Variants in HSPA4 observed in about 807,000 individuals in gnomAD.
The protein encoded by HSPA4 is heat shock 70 kDa protein 4.
HSPA4 carries 25 observed loss-of-function variants against 106.2 expected under a neutral mutation model. The ratio of observed to expected loss-of-function variants is 0.24; its 90% CI spans 0.17 to 0.33. HSPA4 has a LOEUF of 0.33. Ranked by LOEUF, HSPA4 falls within the 10% of genes least tolerant of loss-of-function variation. The pLI, the probability that HSPA4 is intolerant of heterozygous loss-of-function variation, is 1.00. For missense variants in HSPA4, 841 were observed against 996.0 expected, an observed-to-expected ratio of 0.84 and a Z score of 2.10; for synonymous variants, 332 against 333.6, an observed-to-expected ratio of 1.00 and a Z score of 0.05.
intron 1 of HSPA4, among the ~76,000 whole-genome samples, chr5:133,053,204 A>G (rs1337045495): frequency 6.6e-6 from 1 of 152,146 alleles, no homozygotes; most frequent in Non-Finnish European, 1.5e-5. Flanking sequence ...TGGGTCACTC[A>G]GGTCTTTCAC....
chr5:133,079,617 G>A (rs932471975), intron 7 of HSPA4, among the ~76,000 whole-genome samples: 1 of 152,034 alleles, frequency 6.6e-6, no homozygotes, highest in African/African-American at 2.4e-5. Context: ...CTTGTTTTCA[G>A]GTCTTTTGCT....
intron 8 of HSPA4, among the ~76,000 whole-genome samples, chr5:133,087,583 C>T (rs576473742): frequency 2.8e-4 from 43 of 152,286 alleles, no homozygotes; most frequent in African/African-American, 1.0e-3. Context: ...TACACACCTT[C>T]TTTCTGATAC....
chr5:133,073,308 T>G lies in HSPA4; in HGVS notation c.508T>G (p.Leu170Val), dbSNP rs1299224929. The change falls in exon 5 of 19, where the codon TTA becomes GTA. Residue 170 changes from leucine (L) to valine (V), a missense_variant. Around this residue, in one of 5 missense-constraint regions of HSPA4, gnomAD observed 347 missense variants for 408.7 expected, o/e 0.85. Coordinates refer to ENST00000304858, the MANE Select transcript of HSPA4 (RefSeq NM_002154.4). The stretch of plus-strand genomic sequence containing the variant: ...GATTGCTGGTCTTAATTGCTTGCGA[T>G]TAATGAATGAAACCACTGCAGGTAA... ...TQIAGLNCLR[L>V]MNETTAVALA... 1 of 1,609,766 alleles carries G rather than the reference T, an allele frequency of 6.2e-7. No homozygotes were observed. The highest frequency in any genetic ancestry group is 8.5e-7 in the Non-Finnish European group (1 of 1,176,490).
rs1257350967 is a variant in HSPA4 at position 133,063,061 on chromosome 5, C to A, written c.108-1919C>A. Among the ~76,000 whole-genome samples, 6 of 152,144 alleles carry A rather than the reference C, an allele frequency of 3.9e-5. No homozygotes were observed. In the East Asian group the frequency reaches 9.6e-4, roughly 24 times the overall value. On this transcript the variant is annotated intron_variant, in intron 1 of 18. Transcript: ENST00000304858. ...ATCACCTAGAGTCCTGACTTCATTG[C>A]TTTCAGGTTGCATGACCCTGGATAA...
chr5:133,103,998 A>G lies in HSPA4; in HGVS notation c.2291A>G (p.Lys764Arg). The G allele has an allele frequency of 6.2e-7, 1 of 1,611,242 alleles. No homozygotes were observed. Among genetic ancestry groups the G allele is most frequent in the Non-Finnish European group, 8.5e-7 (1 of 1,179,356 alleles). ...KQSLTMDPVV[K>R]SKEIEAKIKE... ...AGTTTGACCATGGATCCAGTTGTCA[A>G]GTCAAAAGAGATTGAAGCTAAAATT... Residue 764 changes from lysine to arginine, a missense_variant, in exon 18 of 19, where the codon AAG becomes AGG. Coordinates refer to ENST00000304858, the MANE Select transcript of HSPA4 (RefSeq NM_002154.4).
At chr5:133,102,977 G>T (rs1765807443) in intron 17 of HSPA4, among the ~76,000 whole-genome samples, 1 of 136,028 alleles carries the variant, frequency 7.4e-6, no homozygotes, top group Non-Finnish European at 1.5e-5. Flanking sequence ...GAACTTCTTA[G>T]CTCAAATGAT....
At chr5:133,078,974 TCTGC>T (rs1765481971) in intron 7 of HSPA4, among the ~76,000 whole-genome samples, 1 of 152,216 alleles carries the variant, frequency 6.6e-6, no homozygotes, top group South Asian at 2.1e-4. Context: ...ACTCAAGTGA[TCTGC>T]CTGCCTTAGC....
chr5:133,080,955 C>T (rs879548753), intron 7 of HSPA4, among the ~76,000 whole-genome samples: 1 of 152,064 alleles, frequency 6.6e-6, no homozygotes, highest in Non-Finnish European at 1.5e-5. Flanking sequence ...TTTTTATCAC[C>T]CCAAAAAGAA....
chr5:133,060,247 C>G (rs1207580229), intron 1 of HSPA4, among the ~76,000 whole-genome samples: 4 of 152,032 alleles, frequency 2.6e-5, no homozygotes, highest in African/African-American at 9.7e-5. Context: ...GAAGCATTGA[C>G]CTATGTTCTA....
intron 2 of HSPA4, among the ~76,000 whole-genome samples, chr5:133,066,900 G>T (rs1367118288): frequency 6.6e-6 from 1 of 151,944 alleles, no homozygotes; most frequent in Non-Finnish European, 1.5e-5. Context: ...ATTTTTAGTA[G>T]AGACAGCGTT....
At chr5:133,095,285 G>C (rs536384160) in intron 13 of HSPA4, among the ~76,000 whole-genome samples, 1 of 152,272 alleles carries the variant, frequency 6.6e-6, no homozygotes, top group Admixed American at 6.5e-5. Flanking sequence ...CTGGGCTACA[G>C]AGCGAGACTC....
At chr5:133,086,399 T>C (rs1470818217) in intron 7 of HSPA4, among the ~76,000 whole-genome samples, 2 of 152,276 alleles carry the variant, frequency 1.3e-5, no homozygotes, top group East Asian at 1.9e-4. Flanking sequence ...TGTTGTGATA[T>C]GTATTAGTTC....
At chr5:133,077,311 T>G (rs1187628839) in intron 7 of HSPA4, among the ~76,000 whole-genome samples, 3 of 152,114 alleles carry the variant, frequency 2.0e-5, no homozygotes, top group African/African-American at 7.2e-5. Flanking sequence ...CAATCTCAAC[T>G]CACTGCAACC....
chr5:133,082,600 G>GGAGT (rs1354512961), intron 7 of HSPA4, among the ~76,000 whole-genome samples: 1 of 151,912 alleles, frequency 6.6e-6, no homozygotes, highest in Non-Finnish European at 1.5e-5. Context: ...CAAGTAGATG[G>GGAGT]GAGTATAGGT....
At chr5:133,078,924 G>C (rs1028972195) in intron 7 of HSPA4, among the ~76,000 whole-genome samples, 4 of 151,976 alleles carry the variant, frequency 2.6e-5, no homozygotes, top group Admixed American at 2.6e-4. Flanking sequence ...TGTAGAGACT[G>C]GGTGTCACCA....
In HSPA4 at chr5:133,091,187, C is replaced by A. The variant is rs781713361; in HGVS notation, c.1379-6C>A. The A allele has an allele frequency of 1.9e-5, 30 of 1,611,908 alleles. No homozygotes were observed. The highest frequency in any genetic ancestry group is 2.4e-5 in the Non-Finnish European group (28 of 1,178,262). On this transcript the variant is annotated splice_polypyrimidine_tract_variant and splice_region_variant and intron_variant, in intron 11 of 18. Transcript: ENST00000304858. Reference sequence around the variant, plus strand: ...ATGTGTTCTTTTGTCTCTCGTATGTCCCTAGCTCAGTTTTCAGTTCAGAAA... The same window carrying A: ...ATGTGTTCTTTTGTCTCTCGTATGTACCTAGCTCAGTTTTCAGTTCAGAAA...
rs1765710376 is a variant in HSPA4, at chr5:133,096,226, G to C, written c.1779G>C (p.Met593Ile). 1 of 1,613,652 alleles carries C rather than the reference G, an allele frequency of 6.2e-7. No homozygotes were observed. The highest frequency in any genetic ancestry group is 8.5e-7 in the Non-Finnish European group (1 of 1,179,770). Residue 593 changes from methionine to isoleucine, a missense_variant, in exon 14 of 19, where the codon ATG becomes ATC. Met to Ile is a conservative substitution (Grantham distance 10). This residue lies in a region of HSPA4 where 328 missense variants were observed against 372.2 expected (regional missense o/e 0.88). Coordinates refer to ENST00000304858, the MANE Select transcript of HSPA4 (RefSeq NM_002154.4). ...TATTATGGCAGATAGACAGAGAGAT[G>C]CTCAACTTGTACATTGAAAATGAGG... ...NQLLWQIDRE[M>I]LNLYIENEGK...
At chr5:133,068,472 T>A (rs779179223) in intron 3 of HSPA4, among the ~76,000 whole-genome samples, 4 of 151,820 alleles carry the variant, frequency 2.6e-5, no homozygotes, top group Non-Finnish European at 5.9e-5. Context: ...GCAGGTGAGA[T>A]TACGGAGAGA....
At chr5:133,100,311 T>G (rs1765768519) in intron 16 of HSPA4, among the ~76,000 whole-genome samples, 1 of 152,056 alleles carries the variant, frequency 6.6e-6, no homozygotes. Context: ...TCAAGTGATC[T>G]GCATGCCTTG....
Sources: gnomAD v4.1 joint callset for allele counts (sites outside exome capture counted in the v4.1 genomes callset) on GRCh38, gnomAD v4.1.1 for gene constraint, gnomAD v4.1.1 regional missense constraint, MANE v1.5 for transcripts, NCBI Gene and HGNC (gene_info 2026-07-23, HGNC 2026-07-21) for gene names.